Variants in NUP98 observed in about 807,000 individuals in gnomAD.
NUP98 encodes nuclear pore complex protein Nup98-Nup96.
Under a neutral mutation model 191.9 loss-of-function variants are expected in NUP98, and 26 were observed. That is an observed-to-expected ratio of 0.14 (90% CI 0.10 to 0.19). The LOEUF is 0.19. Among genes scored for constraint, NUP98 ranks in the 10% least tolerant of loss-of-function variants. The pLI, the probability that NUP98 is intolerant of heterozygous loss-of-function variation, is 1.00. For missense variants in NUP98, 1,941 were observed against 2,178.8 expected (o/e 0.89, Z 2.17); for synonymous variants, 808 against 778.4 (o/e 1.04, Z -0.63).
At chr11:3,744,825 T>A (rs555735647) in intron 11 of NUP98, among the ~76,000 whole-genome samples, 176 bp from the exon 12 acceptor site, 1 of 152,372 alleles carries the variant, frequency 6.6e-6, no homozygotes, top group East Asian at 1.9e-4. Flanking sequence ...CAGTACATTA[T>A]ACACATCATA....
At chr11:3,736,899 C>G (rs276908) in intron 12 of NUP98, among the ~76,000 whole-genome samples, 1 of 151,870 alleles carries the variant, frequency 6.6e-6, no homozygotes, top group African/African-American at 2.4e-5. Flanking sequence ...TTAACATTCA[C>G]ATAATATAAA....
intron 13 of NUP98, among the ~76,000 whole-genome samples, chr11:3,733,176 T>G (rs953653086): frequency 6.6e-6 from 1 of 152,182 alleles, no homozygotes; most frequent in Non-Finnish European, 1.5e-5. Context: ...AAAAAGAAAC[T>G]CAGTTCCTCT....
chr11:3,796,620 G>T (rs2082599063), intron 1 of NUP98, among the ~76,000 whole-genome samples: 1 of 152,160 alleles, frequency 6.6e-6, no homozygotes, highest in African/African-American at 2.4e-5. Flanking sequence ...ATGCCGCACC[G>T]ACCTCCTAAA....
At chr11:3,772,329 T>C (rs960610015) in intron 6 of NUP98, among the ~76,000 whole-genome samples, 1 of 152,254 alleles carries the variant, frequency 6.6e-6, no homozygotes. Flanking sequence ...TTATCAATTT[T>C]GTCTCAAGTC....
chr11:3,786,146 G>A (rs58890094), intron 1 of NUP98, among the ~76,000 whole-genome samples: 267 of 152,280 alleles, frequency 1.8e-3, no homozygotes, highest in African/African-American at 6.1e-3. Flanking sequence ...CAAAGCTATC[G>A]TTGACCCCAG....
chr11:3,725,028 TA>T, intron 15 of NUP98, 74 bp downstream of exon 15: 2 of 679,984 alleles, frequency 2.9e-6, no homozygotes, highest in Non-Finnish European at 5.1e-6. Context: ...TAAATTTTCA[TA>T]AATTCCTAAG....
At chr11:3,758,889 T>C (rs1223105640) in intron 10 of NUP98, among the ~76,000 whole-genome samples, 2 of 152,164 alleles carry the variant, frequency 1.3e-5, no homozygotes, top group African/African-American at 2.4e-5. Flanking sequence ...ACAGAGTTTA[T>C]AGGAACTATA....
At chr11:3,729,505 G>A (rs1397093634) in intron 14 of NUP98, among the ~76,000 whole-genome samples, 2 of 136,276 alleles carry the variant, frequency 1.5e-5, no homozygotes, top group African/African-American at 2.8e-5. Flanking sequence ...CCAGGAGTTC[G>A]AGACCACCGT....
intron 7 of NUP98, among the ~76,000 whole-genome samples, chr11:3,771,290 A>C (rs1010510711): frequency 6.6e-6 from 1 of 152,330 alleles, no homozygotes; most frequent in Admixed American, 6.5e-5. Context: ...ACTCACAATC[A>C]CATGACTTCT....
chr11:3,763,077 A>G (rs2081227185), intron 8 of NUP98, 38 bp from the exon 9 acceptor site: 1 of 1,581,890 alleles, frequency 6.3e-7, no homozygotes. Flanking sequence ...GATATCCTGT[A>G]ATAGTTTCCG....
chr11:3,711,111 G>A (rs1360330203), intron 20 of NUP98, among the ~76,000 whole-genome samples: 1 of 151,956 alleles, frequency 6.6e-6, no homozygotes, highest in Non-Finnish European at 1.5e-5. Flanking sequence ...GATGAGTGTG[G>A]TGGTATGCCC....
chr11:3,722,611 GAGCCCAGGATTTTGAGACC>G (rs1287680660), intron 16 of NUP98, among the ~76,000 whole-genome samples: 5 of 152,204 alleles, frequency 3.3e-5, no homozygotes, highest in Non-Finnish European at 7.4e-5. Flanking sequence ...AGGATCACTT[GAGCCCAGGATTTTGAGACC>G]AGCCCAGGAA....
At position 3,773,614 on chromosome 11, in the gene NUP98, G is replaced by A. The variant is rs1170759272; in HGVS notation, c.603+18C>T. ...AATCAAAAGGTTAGACTGACATTCT[G>A]TATTGTATTTTACTGACCTCTAGTG... On this transcript the variant is annotated intron_variant, in intron 6 of 32. Transcript: ENST00000324932. 2 of 1,403,362 alleles carry A rather than the reference G, an allele frequency of 1.4e-6. No homozygotes were observed. Among genetic ancestry groups the A allele is most frequent in the South Asian group, 1.2e-5 (1 of 82,550 alleles). The allele number at this position is 1,403,362 out of a possible 1,614,324, so 86.9% of individuals were successfully genotyped here. A position where few individuals can be genotyped will look rare whatever the true frequency, so the allele number is the denominator to read the frequency against.
intron 20 of NUP98, among the ~76,000 whole-genome samples, chr11:3,709,268 C>A (rs552249685): frequency 6.6e-6 from 1 of 152,088 alleles, no homozygotes; most frequent in Admixed American, 6.6e-5. Flanking sequence ...TTTGGCTGGA[C>A]GTGGTGGCTT....
chr11:3,688,267 G>A (rs927067964), intron 28 of NUP98, among the ~76,000 whole-genome samples: 5 of 152,046 alleles, frequency 3.3e-5, no homozygotes, highest in Admixed American at 6.6e-5. Context: ...TTAGCCGGGC[G>A]TGGTGGTGGG....
chr11:3,725,874 A>G (rs1352445565), intron 14 of NUP98, among the ~76,000 whole-genome samples: 1 of 152,156 alleles, frequency 6.6e-6, no homozygotes, highest in African/African-American at 2.4e-5. Context: ...TAGTGGTACA[A>G]TCGCTGATCA....
chr11:3,761,007 T>C (rs2081146511), intron 9 of NUP98, among the ~76,000 whole-genome samples: 1 of 152,190 alleles, frequency 6.6e-6, no homozygotes, highest in Non-Finnish European at 1.5e-5. Flanking sequence ...AAGAAAAACT[T>C]TGAACATGCT....
chr11:3,710,067 C>T (rs1173786279), intron 20 of NUP98, among the ~76,000 whole-genome samples: 1 of 150,570 alleles, frequency 6.6e-6, no homozygotes, highest in East Asian at 2.0e-4. Context: ...GGCCTGAGGT[C>T]TTTCAACATA....
intron 22 of NUP98, among the ~76,000 whole-genome samples, chr11:3,704,386 A>G (rs2078797012): frequency 6.6e-6 from 1 of 152,234 alleles, no homozygotes; most frequent in Non-Finnish European, 1.5e-5. Flanking sequence ...GAAAAGAGAA[A>G]ACTTTAAAAT....
Sources: allele counts gnomAD v4.1 joint callset (sites outside exome capture counted in the v4.1 genomes callset), GRCh38; gene constraint gnomAD v4.1.1; transcripts MANE v1.5; gene names NCBI Gene and HGNC (gene_info 2026-07-23, HGNC 2026-07-21).